Variants in KLKB1 observed in about 807,000 individuals in gnomAD.
KLKB1 encodes plasma kallikrein.
In KLKB1, 58 loss-of-function variants were observed where a neutral mutation model predicts 73.6. That is an observed-to-expected ratio of 0.79 (90% confidence interval 0.64 to 0.98). The LOEUF (loss-of-function observed/expected upper bound fraction) is 0.98, where lower values mean the gene tolerates loss of function less well. KLKB1 is among the 50% of genes least tolerant of loss of function. The probability of loss-of-function intolerance (pLI) is 0.00; values close to 1 mark genes in which losing one functional copy is unlikely to be tolerated. For synonymous variants in KLKB1, 280 were observed against 258.1 expected, an observed-to-expected ratio of 1.08 and a Z score of -0.81; for missense variants, 737 against 763.8, an observed-to-expected ratio of 0.96 and a Z score of 0.41.
intron 12 of KLKB1, among the ~76,000 whole-genome samples, chr4:186,255,665 C>T (rs1738958466): frequency 6.6e-6 from 1 of 152,172 alleles, no homozygotes; most frequent in South Asian, 2.1e-4. Flanking sequence ...CACTTCATGT[C>T]TGGAACAGTG....
intron 8 of KLKB1, 37 bp from the exon 9 acceptor site, chr4:186,251,450 C>T: frequency 6.2e-7 from 1 of 1,600,872 alleles, no homozygotes. Context: ...CATTGCTTTT[C>T]CCATCTGATA....
Position 186,251,776 on chromosome 4 carries a change from G to A in KLKB1, c.1059G>A (p.Met353Ile). The change falls in exon 10 of 15, where the codon ATG (methionine) becomes ATA (isoleucine). Residue 353 changes from methionine (M) to isoleucine (I), a missense_variant. By Grantham distance (10) the Met-to-Ile change is conservative. Transcript: ENST00000264690. Reference protein sequence around the residue: ...EKCKCFLRLSMDGSPTRIAYG... With the variant: ...EKCKCFLRLSIDGSPTRIAYG... ...GTAAGTGTTTCTTAAGATTATCTATGGATGGTTCTCCAACTAGGATTGCGT... is the reference window on the plus strand; with the variant it reads ...GTAAGTGTTTCTTAAGATTATCTATAGATGGTTCTCCAACTAGGATTGCGT... 1 of 1,613,830 alleles carries A rather than the reference G, an allele frequency of 6.2e-7. No individual in the cohort carries two copies. The highest frequency in any genetic ancestry group is 1.1e-5 in the South Asian group (1 of 91,068).
chr4:186,257,544 A>C (rs1376684910), intron 14 of KLKB1, among the ~76,000 whole-genome samples, 179 bp downstream of exon 14: 3 of 152,114 alleles, frequency 2.0e-5, no homozygotes, highest in Non-Finnish European at 2.9e-5. Context: ...TATATTATTT[A>C]TGATATATGT....
chr4:186,246,098 G>A (rs575121647), intron 6 of KLKB1, among the ~76,000 whole-genome samples: 3 of 152,118 alleles, frequency 2.0e-5, no homozygotes, highest in African/African-American at 4.8e-5. Context: ...AGGTGGGGGA[G>A]GGCTAGTCGT....
chr4:186,255,379 A>G (rs1023153127), intron 12 of KLKB1, among the ~76,000 whole-genome samples: 1 of 152,168 alleles, frequency 6.6e-6, no homozygotes, highest in Non-Finnish European at 1.5e-5. Flanking sequence ...TGGGCAACAC[A>G]GTGAGACCCC....
At chr4:186,227,476 C>A (rs1737205495), upstream of KLKB1, 1 of 152,144 alleles carries the variant, frequency 6.6e-6, no homozygotes, top group Non-Finnish European at 1.5e-5. Context: ...AACCCAAAGT[C>A]AATATTGAAG....
At chr4:186,234,550 C>T (rs1238929134) in intron 4 of KLKB1, among the ~76,000 whole-genome samples, 2 of 152,198 alleles carry the variant, frequency 1.3e-5, no homozygotes, top group African/African-American at 4.8e-5. Context: ...TGCTGACCAA[C>T]ATTCTACAAG....
chr4:186,219,818 A>G (rs1736994594), intron 2 of KLKB1, among the ~76,000 whole-genome samples: 2 of 152,126 alleles, frequency 1.3e-5, no homozygotes, highest in Non-Finnish European at 1.5e-5. Context: ...TTTCCCATTG[A>G]CCTTAATCAC....
At chr4:186,235,350 T>TTTCTAACTTCATCACC (rs57182850) in intron 4 of KLKB1, among the ~76,000 whole-genome samples, 2 of 151,678 alleles carry the variant, frequency 1.3e-5, no homozygotes, top group African/African-American at 2.4e-5. Flanking sequence ...TTTAATGTTT[T>TTTCTAACTTCATCACC]TTAAAGTGAA....
intron 2 of KLKB1, among the ~76,000 whole-genome samples, chr4:186,215,271 CAGGAGTATCT>C (rs1156307813): frequency 6.6e-6 from 1 of 151,022 alleles, no homozygotes; most frequent in East Asian, 1.9e-4. Context: ...TATGTAGGCA[CAGGAGTATCT>C]ATTGGGCACT....
At chr4:186,220,992 T>C (rs1203027131) in intron 2 of KLKB1, among the ~76,000 whole-genome samples, 1 of 152,204 alleles carries the variant, frequency 6.6e-6, no homozygotes, top group East Asian at 1.9e-4. Flanking sequence ...TTACTCATTA[T>C]TGGTTTGTTC....
intron 3 of KLKB1, among the ~76,000 whole-genome samples, chr4:186,232,573 G>A (rs773204258): frequency 5.9e-5 from 9 of 152,178 alleles, no homozygotes; most frequent in Non-Finnish European, 1.3e-4. Flanking sequence ...CAAAATGCTT[G>A]AATATCATTG....
chr4:186,257,859 AC>A (rs1739098313), intron 14 of KLKB1, among the ~76,000 whole-genome samples, 161 bp from the exon 15 acceptor site: 1 of 151,876 alleles, frequency 6.6e-6, no homozygotes, highest in Non-Finnish European at 1.5e-5. Context: ...GGAATTTGAG[AC>A]CAGTCTGGGC....
intron 2 of KLKB1, among the ~76,000 whole-genome samples, 173 bp from the exon 3 acceptor site, chr4:186,231,954 T>G (rs1302713982): frequency 1.3e-5 from 2 of 152,244 alleles, no homozygotes; most frequent in Admixed American, 1.3e-4. Context: ...TAAATAACAC[T>G]ATACATTGTT....
intron 6 of KLKB1, among the ~76,000 whole-genome samples, chr4:186,241,902 T>C (rs1269404920): frequency 6.6e-6 from 1 of 152,292 alleles, no homozygotes; most frequent in East Asian, 1.9e-4. Context: ...AAAAGCAAAG[T>C]AAAAACAATT....
chr4:186,232,373 G>T lies in KLKB1; in HGVS notation c.221+84G>T, dbSNP rs549102630. On this transcript the variant is annotated intron_variant, in intron 3 of 14. Coordinates refer to ENST00000264690, the MANE Select transcript of KLKB1 (RefSeq NM_000892.5). Reference sequence around the variant, plus strand: ...GCAGAAAGGTGTAGTATAACTGAGAGTTCTTCCTCACACGGGGTTCAAGGA... The same window carrying T: ...GCAGAAAGGTGTAGTATAACTGAGATTTCTTCCTCACACGGGGTTCAAGGA... 2.6e-5 allele frequency: 34 copies of T among 1,292,398 alleles called. No homozygotes were observed. The South Asian group carries it at 3.4e-4, about 13-fold the overall frequency. The allele number at this position is 1,292,398 out of a possible 1,614,324, so 80.1% of individuals were successfully genotyped here.
chr4:186,248,354 C>A (rs1417987696), intron 6 of KLKB1, among the ~76,000 whole-genome samples: 1 of 152,052 alleles, frequency 6.6e-6, no homozygotes, highest in Non-Finnish European at 1.5e-5. Flanking sequence ...CCCTGGCAAC[C>A]ACTAAATCTA....
At chr4:186,233,043 T>G (rs1262239014) in intron 3 of KLKB1, among the ~76,000 whole-genome samples, 1 of 152,122 alleles carries the variant, frequency 6.6e-6, no homozygotes, top group Non-Finnish European at 1.5e-5. Flanking sequence ...GCCTCCCAAG[T>G]AGCTGGGATT....
chr4:186,233,953 T>G lies in KLKB1; in HGVS notation c.223T>G (p.Phe75Val), dbSNP rs766035447. The G allele has an allele frequency of 1.9e-6, 3 of 1,609,530 alleles. No homozygotes were observed. The highest frequency in any genetic ancestry group is 1.3e-5 in the African/African-American group (1 of 74,828). ...TAAGTAAAGCTACTTTTAAAATAGG[T>G]TTGGTTGCTTCTTGAAAGATAGTGT... is the stretch of plus-strand genomic sequence containing the variant. ...ASSINDMEKR[F>V]GCFLKDSVTG... The change falls in exon 4 of 15, where the codon TTT becomes GTT. Residue 75 changes from phenylalanine to valine, a missense_variant and splice_region_variant. Phe to Val is a conservative substitution (Grantham distance 50). Transcript: ENST00000264690.
Sources: allele counts gnomAD v4.1 joint callset (sites outside exome capture counted in the v4.1 genomes callset), GRCh38; gene constraint gnomAD v4.1.1; transcripts MANE v1.5; gene names NCBI Gene and HGNC (gene_info 2026-07-23, HGNC 2026-07-21).